ZNF567: variants seen among roughly 807,000 people sequenced by gnomAD.
ZNF567 encodes zinc finger protein 567.
In ZNF567, 36 loss-of-function variants were observed where a neutral mutation model predicts 53.9. That is an observed-to-expected ratio of 0.67 (90% confidence interval 0.51 to 0.88). The LOEUF (loss-of-function observed/expected upper bound fraction) is 0.88. Among genes scored for constraint, ZNF567 ranks in the 40% least tolerant of loss-of-function variants. The probability of loss-of-function intolerance (pLI) is 0.00; values close to 1 mark genes in which losing one functional copy is unlikely to be tolerated. For missense variants in ZNF567, 619 were observed against 764.7 expected (o/e 0.81, Z 2.25); for synonymous variants, 224 against 260.4 (o/e 0.86, Z 1.35).
At chr19:36,715,497 AATAATAATAATAATTATTATTATTATT>A (rs1568711300) in intron 5 of ZNF567, among the ~76,000 whole-genome samples, 5 of 76,704 alleles carry the variant, frequency 6.5e-5, no homozygotes, top group Non-Finnish European at 1.1e-4. Flanking sequence ...TAATAATAAT[AATAATAATAATAATTATTATTATTATT>A]ATTATTATTA....
At chr19:36,722,469 T>C (rs1221391361), downstream of ZNF567, among the ~76,000 whole-genome samples, 1 of 152,006 alleles carries the variant, frequency 6.6e-6, no homozygotes, top group Non-Finnish European at 1.5e-5. Flanking sequence ...ACGCAGCTAA[T>C]TTTTGTATTT....
At chr19:36,704,195 T>G (rs1326374344) in intron 3 of ZNF567, among the ~76,000 whole-genome samples, 3 of 152,192 alleles carry the variant, frequency 2.0e-5, no homozygotes, top group Non-Finnish European at 4.4e-5. Context: ...ATCTCAGCAC[T>G]TTGGGAGGCC....
At chr19:36,668,761 A>AT in the ZNF567 span, 1 of 152,172 alleles carries the variant, frequency 6.6e-6, no homozygotes. Flanking sequence ...CAAGTGTAAT[A>AT]TGAGGAAATG....
intron 3 of ZNF567, among the ~76,000 whole-genome samples, chr19:36,696,458 TC>T (rs1229203017): frequency 6.6e-6 from 1 of 152,218 alleles, no homozygotes; most frequent in Non-Finnish European, 1.5e-5. Context: ...GTTCCGCAGA[TC>T]CTTCATGCAC....
chr19:36,680,164 CA>C, the ZNF567 span, among the ~76,000 whole-genome samples: 2 of 151,968 alleles, frequency 1.3e-5, no homozygotes, highest in African/African-American at 4.8e-5. Flanking sequence ...AATTGTTGTA[CA>C]AATATATACA....
intron 2 of ZNF567, among the ~76,000 whole-genome samples, chr19:36,693,127 A>C (rs950012185): frequency 6.8e-6 from 1 of 147,968 alleles, no homozygotes; most frequent in African/African-American, 2.5e-5. Context: ...ATTTCTACCA[A>C]AAAAAAAAAA....
the ZNF567 span, among the ~76,000 whole-genome samples, chr19:36,671,031 G>A: frequency 6.6e-6 from 1 of 152,196 alleles, no homozygotes; most frequent in East Asian, 1.9e-4. Flanking sequence ...GAACCCAGGA[G>A]GCAGAGGTTG....
intron 3 of ZNF567, among the ~76,000 whole-genome samples, chr19:36,697,279 A>G (rs2038934179): frequency 6.6e-6 from 1 of 151,672 alleles, no homozygotes; most frequent in Non-Finnish European, 1.5e-5. Context: ...TAAATTTCCC[A>G]CTGTTTATTG....
chr19:36,706,293 G>A (rs193081207), intron 3 of ZNF567, among the ~76,000 whole-genome samples: 9 of 152,252 alleles, frequency 5.9e-5, no homozygotes, highest in South Asian at 2.1e-4. Flanking sequence ...ACACCTGAAC[G>A]TTGTTTGGTT....
chr19:36,701,805 G>C (rs1479056438), intron 3 of ZNF567, among the ~76,000 whole-genome samples: 1 of 144,740 alleles, frequency 6.9e-6, no homozygotes, highest in Non-Finnish European at 1.5e-5. Context: ...CTTTTATTTT[G>C]AGCCTATGTG....
chr19:36,709,654 C>T (rs2039676951), intron 3 of ZNF567, among the ~76,000 whole-genome samples: 1 of 151,042 alleles, frequency 6.6e-6, no homozygotes, highest in Non-Finnish European at 1.5e-5. Context: ...ATGGTGCAGT[C>T]CTGCTGGTGA....
Position 36,720,926 on chromosome 19 carries a change from ATACT to A in ZNF567, c.*261_*264del. 4.1e-6 allele frequency: 1 copy of A among 245,470 alleles called. No individual in the cohort carries two copies. The highest frequency in any genetic ancestry group is 7.8e-6 in the Non-Finnish European group (1 of 128,130). 15.2% of individuals were successfully genotyped at this position (245,470 alleles called of 1,614,324 possible). ...GACTCAAATAGTTTATTTTTTAAAA[ATACT>A]TATATAATACATGCAGAGACAAGAT... On this transcript the variant is annotated 3_prime_UTR_variant, in exon 6 of 6. Transcript: ENST00000682579.
chr19:36,700,959 T>A (rs1440877687), intron 3 of ZNF567, among the ~76,000 whole-genome samples: 1 of 152,080 alleles, frequency 6.6e-6, no homozygotes, highest in Non-Finnish European at 1.5e-5. Flanking sequence ...TCTTGCCTTC[T>A]GCTAGCTTTT....
Position 36,720,595 on chromosome 19 carries a change from A to G in ZNF567, c.1871A>G (p.Lys624Arg). The change falls in exon 6 of 6, where the codon AAG (lysine) becomes AGG (arginine). Residue 624 changes from lysine (K) to arginine (R), a missense_variant. By Grantham distance (26) the Lys-to-Arg change is conservative (BLOSUM62 2). Transcript: ENST00000682579. ...CCCTATGTTTGTAATGAGTGTGGTA[A>G]GTCTTTCAGTTATAAGAGAAACCTC... ...EKPYVCNECGKSFSYKRNLIV... is the reference protein window; with the variant it reads ...EKPYVCNECGRSFSYKRNLIV... The G allele has an allele frequency of 6.2e-7, 1 of 1,605,344 alleles. No individual in the cohort carries two copies. Among genetic ancestry groups the G allele is most frequent in the Non-Finnish European group, 8.5e-7 (1 of 1,176,310 alleles).
At chr19:36,678,888 T>C in the ZNF567 span, among the ~76,000 whole-genome samples, 1 of 150,470 alleles carries the variant, frequency 6.6e-6, no homozygotes, top group Admixed American at 6.6e-5. Flanking sequence ...CTATTAAAAA[T>C]GGGCAAAGGA....
chr19:36,673,987 C>G, the ZNF567 span, among the ~76,000 whole-genome samples: 6 of 152,144 alleles, frequency 3.9e-5, no homozygotes, highest in African/African-American at 1.4e-4. Context: ...TTCTATATCC[C>G]ACCCGCTTCA....
intron 3 of ZNF567, among the ~76,000 whole-genome samples, chr19:36,707,366 C>T (rs767107433): frequency 1.3e-5 from 2 of 152,096 alleles, no homozygotes; most frequent in Admixed American, 6.6e-5. Flanking sequence ...AAGCATTTTG[C>T]TTAGTTTATA....
At chr19:36,701,974 A>G (rs1297216823) in intron 3 of ZNF567, among the ~76,000 whole-genome samples, 1 of 151,344 alleles carries the variant, frequency 6.6e-6, no homozygotes, top group African/African-American at 2.4e-5. Flanking sequence ...TTATGATGAT[A>G]GCTGGTTATT....
At chr19:36,725,763 C>T (rs1373700061), downstream of ZNF567, among the ~76,000 whole-genome samples, 1 of 152,142 alleles carries the variant, frequency 6.6e-6, no homozygotes, top group Non-Finnish European at 1.5e-5. Context: ...ATCCTCCCAC[C>T]TCAGCTTCCT....
Sources: gnomAD v4.1 joint callset for allele counts (sites outside exome capture counted in the v4.1 genomes callset) on GRCh38, gnomAD v4.1.1 for gene constraint, MANE v1.5 for transcripts, NCBI Gene and HGNC (gene_info 2026-07-23, HGNC 2026-07-21) for gene names.